ACTR1A: variants seen among roughly 807,000 people sequenced by gnomAD.
ACTR1A encodes actin related protein 1A.
A neutral mutation model predicts 50.7 loss-of-function variants in ACTR1A; 10 were observed. The observed-to-expected ratio is 0.20, with a 90% CI of 0.12 to 0.33. The LOEUF (loss-of-function observed/expected upper bound fraction) is 0.33. ACTR1A is among the 10% of genes least tolerant of loss of function. ACTR1A has a pLI of 1.00. For missense variants in ACTR1A, 253 were observed against 491.7 expected, an observed-to-expected ratio of 0.51 and a Z score of 4.59; for synonymous variants, 177 against 184.2, an observed-to-expected ratio of 0.96 and a Z score of 0.32.
intron 1 of ACTR1A, among the ~76,000 whole-genome samples, chr10:102,493,980 T>C (rs1028547219): frequency 2.0e-5 from 3 of 152,178 alleles, no homozygotes; most frequent in Non-Finnish European, 2.9e-5. Context: ...AGGCCTGCCA[T>C]GCCAGTCATA....
chr10:102,488,386 T>C lies in ACTR1A; in HGVS notation c.190-111A>G, dbSNP rs1478827458. The C allele has an allele frequency of 3.3e-5, 49 of 1,469,858 alleles. No homozygotes were observed. The highest frequency in any genetic ancestry group is 4.6e-5 in the Non-Finnish European group (49 of 1,068,414). The allele number at this position is 1,469,858 out of a possible 1,614,324, so 91.1% of individuals were successfully genotyped here. Reference sequence around the variant, plus strand: ...CCCTTGCAAAGAAGCCTCAGCTTCCTGAGCTTCCACCCTGCTGTCCTTGCC... The same window carrying C: ...CCCTTGCAAAGAAGCCTCAGCTTCCCGAGCTTCCACCCTGCTGTCCTTGCC... On this transcript the variant is annotated intron_variant, in intron 3 of 10. Coordinates refer to ENST00000369905, the MANE Select transcript of ACTR1A (RefSeq NM_005736.4). The surrounding 1 kb of genome is among the most constrained non-coding windows in gnomAD (Gnocchi z 4.4).
In ACTR1A at chr10:102,489,080, T is replaced by A; in HGVS notation, c.172A>T (p.Ile58Phe). ...GGAATTACCTCAGCTTTGGGGCCAA[T>A]GAAGATGTCGCCTTCAAGGGCTCCT... is the stretch of plus-strand genomic sequence containing the variant. ...MAGALEGDIF[I>F]GPKAEEHRGL... Residue 58 changes from isoleucine to phenylalanine, a missense_variant, in exon 3 of 11, where the codon ATT (isoleucine) becomes TTT (phenylalanine). Ile to Phe is a conservative substitution (Grantham distance 21). Around this residue, in one of 4 missense-constraint regions of ACTR1A, gnomAD observed 96 missense variants for 238.7 expected, o/e 0.40. Transcript: ENST00000369905. 1 of 1,585,980 alleles carries A rather than the reference T, an allele frequency of 6.3e-7. No individual in the cohort carries two copies. The highest frequency in any genetic ancestry group is 8.6e-7 in the Non-Finnish European group (1 of 1,166,282).
At chr10:102,499,660 A>G (rs7093028) in intron 1 of ACTR1A, among the ~76,000 whole-genome samples, 53,478 of 152,082 alleles carry the variant, frequency 0.35, 9,568 homozygotes, top group African/African-American at 0.39. Context: ...TGGGATAGAC[A>G]GGTTGTTCCT....
chr10:102,480,811 G>C lies in ACTR1A; in HGVS notation c.*52C>G. 1 of 1,442,544 alleles carries C rather than the reference G, an allele frequency of 6.9e-7. No individual in the cohort carries two copies. The highest frequency in any genetic ancestry group is 1.1e-5 in the South Asian group (1 of 87,688). The allele number at this position is 1,442,544 out of a possible 1,614,324, so 89.4% of individuals were successfully genotyped here. ...CGCAAACACTCCGACTCAAGAAAGC[G>C]AGTTTTAAAGTGGAGTTAACTTCAG... On this transcript the variant is annotated 3_prime_UTR_variant, in exon 11 of 11. Transcript: ENST00000369905.
At chr10:102,483,143 T>C in intron 6 of ACTR1A, 40 bp from the exon 7 acceptor site, 2 of 1,479,348 alleles carry the variant, frequency 1.4e-6, no homozygotes, top group Non-Finnish European at 1.9e-6. Context: ...GCAGGAAATC[T>C]GGTGCACATC....
At chr10:102,501,238 C>A (rs1311806708) in intron 1 of ACTR1A, among the ~76,000 whole-genome samples, 1 of 152,212 alleles carries the variant, frequency 6.6e-6, no homozygotes, top group African/African-American at 2.4e-5. Flanking sequence ...GGATCTTAGT[C>A]TGATGACTGG....
chr10:102,502,674 A>T lies in ACTR1A; in HGVS notation c.-27T>A. ...GCAGAGGAATCTCTCCTTCTGGGGA[A>T]GGAACTGCCCAGCCGGGTCCGCCGC... On this transcript the variant is annotated 5_prime_UTR_variant, in exon 1 of 11. Coordinates refer to ENST00000369905, the MANE Select transcript of ACTR1A (RefSeq NM_005736.4). 6.2e-7 allele frequency: 1 copy of T among 1,613,628 alleles called. No individual in the cohort carries two copies. The highest frequency in any genetic ancestry group is 8.5e-7 in the Non-Finnish European group (1 of 1,179,506).
intron 2 of ACTR1A, 80 bp from the exon 3 acceptor site, chr10:102,489,218 C>T: frequency 1.0e-6 from 1 of 952,492 alleles, no homozygotes; most frequent in Non-Finnish European, 1.5e-6. Flanking sequence ...TACATACACA[C>T]TCAAATTCTA....
At chr10:102,497,862 GT>G (rs2062229832) in intron 1 of ACTR1A, among the ~76,000 whole-genome samples, 1 of 151,688 alleles carries the variant, frequency 6.6e-6, no homozygotes. Context: ...GGAAGCTGAG[GT>G]GGGAGGACTG....
intron 3 of ACTR1A, 33 bp downstream of exon 3, chr10:102,489,030 G>A: frequency 6.7e-7 from 1 of 1,486,342 alleles, no homozygotes; most frequent in Non-Finnish European, 9.0e-7. Flanking sequence ...TCCTCTGCTG[G>A]CTTAAGGCTT....
chr10:102,488,920 G>T lies in ACTR1A; in HGVS notation c.189+143C>A. ...GGAAAAATAAACCACCTAAGCCTAG[G>T]ATGAGAGAATCAAAAAGGAGATTTT... On this transcript the variant is annotated intron_variant, in intron 3 of 10. Transcript: ENST00000369905. This position sits in a 1 kb window ranked among gnomAD's most constrained non-coding sequence, Gnocchi z 4.4. 1.7e-6 allele frequency: 1 copy of T among 576,476 alleles called. No homozygotes were observed. The highest frequency in any genetic ancestry group is 2.9e-6 in the Non-Finnish European group (1 of 349,928). The allele number at this position is 576,476 out of a possible 1,614,324, so 35.7% of individuals were successfully genotyped here. A position where few individuals can be genotyped will look rare whatever the true frequency, so the allele number is the denominator to read the frequency against.
rs1436545185 is a variant in ACTR1A at position 102,482,507 on chromosome 10, G to T, written c.751-332C>A. On this transcript the variant is annotated intron_variant, in intron 7 of 10. Transcript: ENST00000369905. The surrounding 1 kb of genome is among the most constrained non-coding windows in gnomAD (Gnocchi z 5.6). Reference sequence around the variant, plus strand: ...AACTCACCCTACACTGCACCCAGGTGTGGTGAAGGATGGCACTAACCATCC... The same window carrying T: ...AACTCACCCTACACTGCACCCAGGTTTGGTGAAGGATGGCACTAACCATCC... 2.8e-6 allele frequency: 1 copy of T among 358,190 alleles called. No homozygotes were observed. The highest frequency in any genetic ancestry group is 5.1e-6 in the Non-Finnish European group (1 of 194,700). The allele number at this position is 358,190 out of a possible 1,614,324, so 22.2% of individuals were successfully genotyped here.
At chr10:102,486,681 G>A (rs914720863) in intron 4 of ACTR1A, among the ~76,000 whole-genome samples, 8 of 151,706 alleles carry the variant, frequency 5.3e-5, no homozygotes, top group Non-Finnish European at 8.8e-5. Flanking sequence ...CCACAAGAGC[G>A]AAACTCCATC....
chr10:102,488,996 G>A lies in ACTR1A; in HGVS notation c.189+67C>T, dbSNP rs1042077057. On this transcript the variant is annotated intron_variant, in intron 3 of 10. Transcript: ENST00000369905. The surrounding 1 kb of genome is among the most constrained non-coding windows in gnomAD (Gnocchi z 4.4). ...TGGGTATGTCCAAATGTTGGGACAT[G>A]TTCCATGTGGTGAATAATGAAGGTC... 4.0e-6 allele frequency: 5 copies of A among 1,238,090 alleles called. No homozygotes were observed. The highest frequency in any genetic ancestry group is 5.5e-6 in the Non-Finnish European group (5 of 913,272). The allele number at this position is 1,238,090 out of a possible 1,614,324, so 76.7% of individuals were successfully genotyped here. A position where few individuals can be genotyped will look rare whatever the true frequency, so the allele number is the denominator to read the frequency against.
At chr10:102,490,411 A>G in intron 2 of ACTR1A, 138 bp downstream of exon 2, 1 of 537,132 alleles carries the variant, frequency 1.9e-6, no homozygotes. Context: ...GAGGCCTCTT[A>G]TCTGTGCCTC....
intron 1 of ACTR1A, among the ~76,000 whole-genome samples, chr10:102,493,757 A>G (rs1307034233): frequency 6.6e-6 from 1 of 152,246 alleles, no homozygotes; most frequent in East Asian, 1.9e-4. Context: ...TTTTGGCAGT[A>G]TCTGGCATTT....
chr10:102,488,136 C>G lies in ACTR1A; in HGVS notation c.315+14G>C. On this transcript the variant is annotated intron_variant, in intron 4 of 10. Transcript: ENST00000369905. The surrounding 1 kb of genome is among the most constrained non-coding windows in gnomAD (Gnocchi z 4.4). ...GCATACCCTACAGGAGTGCCCTACACACAGGATCCTCACCTCCTCTGAGAA... is the reference window on the plus strand; with the variant it reads ...GCATACCCTACAGGAGTGCCCTACAGACAGGATCCTCACCTCCTCTGAGAA... 1 of 1,609,450 alleles carries G rather than the reference C, an allele frequency of 6.2e-7. No individual in the cohort carries two copies. The highest frequency in any genetic ancestry group is 8.5e-7 in the Non-Finnish European group (1 of 1,176,070).
intron 6 of ACTR1A, chr10:102,483,397 TC>T (rs966317881): frequency 4.8e-5 from 17 of 350,672 alleles, no homozygotes; most frequent in Non-Finnish European, 8.9e-5. Flanking sequence ...GGCCCAGGCA[TC>T]TTTCTCCTTC....
chr10:102,489,494 A>T (rs1242074744), intron 2 of ACTR1A, among the ~76,000 whole-genome samples: 1 of 152,212 alleles, frequency 6.6e-6, no homozygotes, highest in Admixed American at 6.5e-5. Context: ...TAGTGTCCTT[A>T]GTCCCCTTCC....
Sources: allele counts gnomAD v4.1 joint callset (sites outside exome capture counted in the v4.1 genomes callset), GRCh38; gene constraint gnomAD v4.1.1; regional missense constraint gnomAD v4.1.1; non-coding constraint Gnocchi (gnomAD v3.1); transcripts MANE v1.5; gene names NCBI Gene and HGNC (gene_info 2026-07-23, HGNC 2026-07-21).